DNAH9: variants seen among roughly 807,000 people sequenced by gnomAD.
DNAH9 encodes the protein DNAH9 variant protein.
A neutral mutation model predicts 471.6 loss-of-function variants in DNAH9; 345 were observed. The ratio of observed to expected loss-of-function variants is 0.73; its 90% CI spans 0.67 to 0.80. The LOEUF (loss-of-function observed/expected upper bound fraction) is 0.80, where lower values mean the gene tolerates loss of function less well. Among genes scored for constraint, DNAH9 ranks in the 30% least tolerant of loss-of-function variants. The pLI is 0.00. For synonymous variants in DNAH9, 2,093 were observed against 2,123.6 expected (o/e 0.99, Z 0.40); for missense variants, 5,407 against 5,609.2 (o/e 0.96, Z 1.15).
intron 28 of DNAH9, among the ~76,000 whole-genome samples, chr17:11,735,171 G>A (rs1228740634): frequency 3.3e-5 from 5 of 152,130 alleles, no homozygotes. Flanking sequence ...CTAGATCAGG[G>A]CTTGTCAACC....
intron 12 of DNAH9, among the ~76,000 whole-genome samples, chr17:11,650,141 C>T (rs2073475300): frequency 6.6e-6 from 1 of 152,092 alleles, no homozygotes; most frequent in African/African-American, 2.4e-5. Flanking sequence ...GTCCATTTCC[C>T]CACAAAATGG....
At chr17:11,928,833 C>T (rs896346417) in intron 62 of DNAH9, among the ~76,000 whole-genome samples, 2 of 152,126 alleles carry the variant, frequency 1.3e-5, no homozygotes, top group African/African-American at 4.8e-5. Flanking sequence ...GTACCAATTA[C>T]CGGAGGATCT....
intron 23 of DNAH9, among the ~76,000 whole-genome samples, chr17:11,700,510 A>C (rs1169269687): frequency 1.3e-5 from 2 of 152,170 alleles, no homozygotes; most frequent in African/African-American, 2.4e-5. Flanking sequence ...GCCTTTCTTT[A>C]TTTATTTATC....
chr17:11,729,652 AG>A (rs1045256646), intron 28 of DNAH9, among the ~76,000 whole-genome samples: 1 of 150,856 alleles, frequency 6.6e-6, no homozygotes, highest in Non-Finnish European at 1.5e-5. Context: ...TGCGGGATTG[AG>A]GGGAGGGTGG....
At chr17:11,818,429 A>T (rs11868197) in intron 45 of DNAH9, among the ~76,000 whole-genome samples, 2,792 of 131,988 alleles carry the variant, frequency 0.021, 91 homozygotes, top group African/African-American at 0.089. Flanking sequence ...CTCCGTATTT[A>T]AAAAAAAAAA....
chr17:11,780,794 A>G lies in DNAH9; in HGVS notation c.7553-215A>G, dbSNP rs546942415. ...GCACAGTGCACGTGGTGAGGTGTTC[A>G]GTCCCCATTACTGCCTAGTAATTTC... On this transcript the variant is annotated intron_variant, in intron 38 of 68. Coordinates refer to ENST00000262442, the MANE Select transcript of DNAH9 (RefSeq NM_001372.4). Among the ~76,000 whole-genome samples the G allele has an allele frequency of 1.2e-4, 19 of 152,374 alleles. No individual in the cohort carries two copies. The East Asian group carries it at 3.5e-3, about 28-fold the overall frequency.
At chr17:11,613,256 A>G (rs570910021) in intron 4 of DNAH9, among the ~76,000 whole-genome samples, 4 of 152,292 alleles carry the variant, frequency 2.6e-5, no homozygotes, top group Non-Finnish European at 5.9e-5. Flanking sequence ...TCCAGGAGAC[A>G]GGTGTCCCCA....
chr17:11,960,281 C>G (rs1975975037), intron 67 of DNAH9, among the ~76,000 whole-genome samples: 2 of 150,834 alleles, frequency 1.3e-5, no homozygotes, highest in Non-Finnish European at 3.0e-5. Flanking sequence ...ACTAAAAATA[C>G]AAAAATTAGT....
chr17:11,690,233 G>A lies in DNAH9; in HGVS notation c.4411G>A (p.Val1471Ile), dbSNP rs2074310861. 4 of 1,614,238 alleles carry A rather than the reference G, an allele frequency of 2.5e-6. No individual in the cohort carries two copies. Among genetic ancestry groups the A allele is most frequent in the Non-Finnish European group, 3.4e-6 (4 of 1,180,044 alleles). ...LLCSDEDLIE[V>I]LEDNQVQLQN... ...GTGCTCTGATGAGGACCTCATAGAG[G>A]TTCTGGAGGATAATCAAGTTCAACT... Residue 1471 changes from valine to isoleucine, a missense_variant, in exon 20 of 69, where the codon GTT becomes ATT. Physicochemically the swap from Val to Ile is conservative, Grantham distance 29 (BLOSUM62 3). Transcript: ENST00000262442.
At position 11,836,842 on chromosome 17, in the gene DNAH9, A is replaced by T. The variant is rs561080247; in HGVS notation, c.9507+1944A>T. Among the ~76,000 whole-genome samples, 54 of 152,358 alleles carry T rather than the reference A, an allele frequency of 3.5e-4. No individual in the cohort carries two copies. In the South Asian group the frequency reaches 9.3e-3, roughly 26 times the overall value. ...CTTGCCAAGAAGACAAACGTCTTTC[A>T]TAAGTTCTTTTCATACAGGTTTTAT... On this transcript the variant is annotated intron_variant, in intron 49 of 68. Transcript: ENST00000262442.
intron 6 of DNAH9, 33 bp downstream of exon 6, chr17:11,619,814 C>T (rs1405976683): frequency 1.0e-5 from 14 of 1,355,430 alleles, no homozygotes; most frequent in Non-Finnish European, 1.3e-5. Flanking sequence ...GCTGCCAGCC[C>T]CAGACAGAAA....
At chr17:11,882,026 A>G (rs1018967658) in intron 55 of DNAH9, among the ~76,000 whole-genome samples, 1 of 152,256 alleles carries the variant, frequency 6.6e-6, no homozygotes, top group Non-Finnish European at 1.5e-5. Context: ...AACTAAGCGG[A>G]ATGAAATTCT....
intron 67 of DNAH9, among the ~76,000 whole-genome samples, chr17:11,952,383 C>T (rs1346219282): frequency 2.1e-5 from 3 of 141,212 alleles, no homozygotes; most frequent in Non-Finnish European, 3.0e-5. Context: ...GTTTCACACT[C>T]CCGGGCTCAA....
chr17:11,636,500 A>C, intron 8 of DNAH9, 134 bp from the exon 9 acceptor site: 1 of 641,382 alleles, frequency 1.6e-6, no homozygotes. Context: ...TTACAGGTCC[A>C]GCTCCACAAT....
At chr17:11,909,771 A>G (rs2151018689) in intron 61 of DNAH9, among the ~76,000 whole-genome samples, 1 of 152,254 alleles carries the variant, frequency 6.6e-6, no homozygotes, top group East Asian at 1.9e-4. Flanking sequence ...TTCACAAACC[A>G]TACAATTCAC....
At chr17:11,687,087 C>A (rs2074254619) in intron 19 of DNAH9, among the ~76,000 whole-genome samples, 1 of 152,154 alleles carries the variant, frequency 6.6e-6, no homozygotes, top group African/African-American at 2.4e-5. Context: ...CTAGTTCTTT[C>A]TTCCTCATAA....
At chr17:11,887,438 T>G (rs564722313) in intron 57 of DNAH9, among the ~76,000 whole-genome samples, 116 of 152,348 alleles carry the variant, frequency 7.6e-4, no homozygotes, top group African/African-American at 2.5e-3. Context: ...TGCTTATGAT[T>G]GTTGAAATAT....
Position 11,923,826 on chromosome 17 carries a change from G to A in DNAH9, c.11762G>A (p.Gly3921Glu). 1 of 1,613,882 alleles carries A rather than the reference G, an allele frequency of 6.2e-7. No individual in the cohort carries two copies. Among genetic ancestry groups the A allele is most frequent in the Non-Finnish European group, 8.5e-7 (1 of 1,179,898 alleles). The stretch of plus-strand genomic sequence containing the variant: ...ATCCTCCTTTTAGGAAGAAAACTTG[G>A]ATACACCTTCAACAATCAGAACTTT... The part of the protein sequence containing the change: ...KDVESQGRKL[G>E]YTFNNQNFHN... The change falls in exon 62 of 69, where the codon GGA becomes GAA. Residue 3921 changes from glycine to glutamate, a missense_variant. Transcript: ENST00000262442.
At chr17:11,607,160 C>G (rs964567863) in intron 1 of DNAH9, among the ~76,000 whole-genome samples, 1 of 152,188 alleles carries the variant, frequency 6.6e-6, no homozygotes, top group Admixed American at 6.5e-5. Context: ...TTGTGTCCTC[C>G]TTTTTTGCCT....
Sources: gnomAD v4.1 joint callset for allele counts (sites outside exome capture counted in the v4.1 genomes callset) on GRCh38, gnomAD v4.1.1 for gene constraint, MANE v1.5 for transcripts, NCBI Gene and HGNC (gene_info 2026-07-23, HGNC 2026-07-21) for gene names.